The following PERM1 variants were observed in gnomAD, a reference collection of about 807,000 sequenced individuals.
PERM1 encodes the protein PPARGC1 and ESRR induced regulator, muscle 1.
Under a neutral mutation model 44.1 loss-of-function variants are expected in PERM1, and 45 were observed. The observed-to-expected ratio is 1.02, with a 90% CI of 0.80 to 1.31. The LOEUF is 1.31. Ranked by LOEUF, PERM1 falls within the 50% of genes most tolerant of loss-of-function variation. The pLI is 0.00. For synonymous variants in PERM1, 565 were observed against 477.1 expected, an observed-to-expected ratio of 1.18 and a Z score of -2.40; for missense variants, 1,189 against 1,106.9, an observed-to-expected ratio of 1.07 and a Z score of -1.05.
exon 1 of PERM1, chr1:979,682 G>A: frequency 1.3e-6 from 2 of 1,550,316 alleles, no homozygotes; most frequent in Non-Finnish European, 1.7e-6. Context: ...TCGGCTCTGG[G>A]AACAGGTGTA....
upstream of PERM1, chr1:981,360 A>G (rs1330735544): frequency 7.6e-6 from 2 of 262,232 alleles, no homozygotes; most frequent in African/African-American, 4.6e-5. Flanking sequence ...CAGTGAAGCT[A>G]TAAAACCAGC....
chr1:980,891 C>T, exon 1 of PERM1: 7 of 1,409,714 alleles, frequency 5.0e-6, no homozygotes, highest in Non-Finnish European at 6.4e-6. Flanking sequence ...CCACTGCTGT[C>T]CCCTTGGTCA....
chr1:976,682 GCCC>G (rs1643622331), intron 1 of PERM1, 58 bp from the exon 3 acceptor site: 2 of 1,532,118 alleles, frequency 1.3e-6, no homozygotes, highest in African/African-American at 2.8e-5. Context: ...CCCCGCACAC[GCCC>G]GCCCCGGGAA....
At chr1:980,818 C>G (rs982888289) in exon 1 of PERM1, 23 of 1,397,724 alleles carry the variant, frequency 1.6e-5, no homozygotes, top group Non-Finnish European at 2.1e-5. Flanking sequence ...GCAGCCCCGC[C>G]GGCTCCGCCC....
chr1:980,674 G>T, exon 1 of PERM1: 1 of 1,428,630 alleles, frequency 7.0e-7, no homozygotes, highest in Non-Finnish European at 9.1e-7. Context: ...GGGAGGGCTG[G>T]CGCCGGGGCC....
At chr1:978,800 C>G (rs1301469883) in intron 1 of PERM1, 81 bp downstream of exon 2, 5 of 1,327,116 alleles carry the variant, frequency 3.8e-6, no homozygotes, top group Non-Finnish European at 5.0e-6. Context: ...TGCCCGGCCC[C>G]TGCGGCCCCC....
chr1:979,005 C>T (rs1219847853), exon 1 of PERM1: 1 of 1,531,170 alleles, frequency 6.5e-7, no homozygotes, highest in Non-Finnish European at 8.8e-7. Flanking sequence ...GGACAGCCGG[C>T]CCCAGCACGC....
rs566758656 is a variant in PERM1, at chr1:979,309, C to G, written c.1721G>C (p.Ser574Thr). ...CTCCGGGAGGGTCACGGCAAAGCTGCTCCCGGGCCCGACCCTCGTCACGGC... is the reference window on the plus strand; with the variant it reads ...CTCCGGGAGGGTCACGGCAAAGCTGGTCCCGGGCCCGACCCTCGTCACGGC... Residue 574 changes from serine (S) to threonine (T), a missense_variant, in exon 1 of 3, where the codon AGC (serine) becomes ACC (threonine). Physicochemically the swap from Ser to Thr is moderately conservative, Grantham distance 58 (BLOSUM62 1). Around this residue, in one of 3 missense-constraint regions of PERM1, gnomAD observed 900 missense variants for 760.4 expected, o/e 1.18. Transcript: ENST00000433179. 54 of 1,539,338 alleles carry G rather than the reference C, an allele frequency of 3.5e-5. No individual in the cohort carries two copies. The African/African-American group carries it at 6.4e-4, about 18-fold the overall frequency.
exon 1 of PERM1, chr1:980,216 G>A: frequency 6.4e-7 from 1 of 1,550,450 alleles, no homozygotes; most frequent in South Asian, 1.2e-5. Flanking sequence ...GCTCGGCGCG[G>A]GGTTCTGATT....
chr1:979,323 C>T (rs1433444917), exon 1 of PERM1: 6 of 1,532,344 alleles, frequency 3.9e-6, no homozygotes, highest in Non-Finnish European at 4.4e-6. Flanking sequence ...CGGGCCCGAC[C>T]CTCGTCACGG....
chr1:978,209 C>T (rs1643679140), intron 1 of PERM1, among the ~76,000 whole-genome samples: 1 of 142,344 alleles, frequency 7.0e-6, no homozygotes, highest in African/African-American at 2.7e-5. Context: ...GGCCTGGGAA[C>T]TGCCTGCCCC....
At chr1:982,022 T>C (rs771779744), upstream of PERM1, 20 of 1,285,170 alleles carry the variant, frequency 1.6e-5, no homozygotes, top group South Asian at 1.7e-4. Flanking sequence ...TTGTTACCAT[T>C]GGGGCCCCTT....
At chr1:979,247 TCTC>T (rs1258046487) in exon 1 of PERM1, 25 of 1,549,856 alleles carry the variant, frequency 1.6e-5, no homozygotes, top group African/African-American at 4.1e-5. Flanking sequence ...GCCTCTTCGT[TCTC>T]CTCGATGGTG....
exon 1 of PERM1, chr1:979,296 C>A (rs1303592060): frequency 6.5e-7 from 1 of 1,544,132 alleles, no homozygotes; most frequent in Admixed American, 2.0e-5. Flanking sequence ...CCGGGAGGGT[C>A]ACGGCAAAGC....
chr1:980,137 A>T, exon 1 of PERM1: 2 of 1,550,358 alleles, frequency 1.3e-6, no homozygotes, highest in South Asian at 2.4e-5. Flanking sequence ...AGACACAGCC[A>T]TGTCTGACTT....
exon 2 of PERM1, chr1:976,543 G>C (rs1460316609): frequency 6.5e-7 from 1 of 1,549,448 alleles, no homozygotes; most frequent in Non-Finnish European, 8.7e-7. Context: ...CGTCCTCACA[G>C]CCCAGGTGGC....
exon 3 of PERM1, chr1:975,932 G>A (rs1195358573): frequency 1.3e-5 from 7 of 519,438 alleles, no homozygotes; most frequent in African/African-American, 8.0e-5. Flanking sequence ...CTCCTACCCA[G>A]CCACCTGCCT....
At chr1:978,805 G>GC (rs1643695570) in intron 1 of PERM1, 76 bp downstream of exon 2, 1 of 1,337,780 alleles carries the variant, frequency 7.5e-7, no homozygotes, top group Admixed American at 3.1e-5. Flanking sequence ...GGCCCCTGCG[G>GC]CCCCCTGCTT....
At chr1:975,225 T>C (rs1440788415) in exon 3 of PERM1, 3 of 152,660 alleles carry the variant, frequency 2.0e-5, no homozygotes, top group Admixed American at 1.3e-4. Flanking sequence ...ATTTTATTGG[T>C]GCTGCATCCA....
Sources: gnomAD v4.1 joint callset for allele counts (sites outside exome capture counted in the v4.1 genomes callset) on GRCh38, gnomAD v4.1.1 for gene constraint, gnomAD v4.1.1 regional missense constraint, MANE v1.5 for transcripts, NCBI Gene and HGNC (gene_info 2026-07-23, HGNC 2026-07-21) for gene names.